ST6GALNAC5: variants seen among roughly 807,000 people sequenced by gnomAD.
ST6GALNAC5 encodes ST6 N-acetylgalactosaminide alpha-2,6-sialyltransferase 5, also known as alpha-N-acetylgalactosaminide alpha-2,6-sialyltransferase 5.
Under a neutral mutation model 33.6 loss-of-function variants are expected in ST6GALNAC5, and 27 were observed. The ratio of observed to expected loss-of-function variants is 0.80; its 90% CI spans 0.59 to 1.11. ST6GALNAC5 has a LOEUF of 1.11. ST6GALNAC5 is among the 50% of genes least tolerant of loss of function. The pLI, the probability that ST6GALNAC5 is intolerant of heterozygous loss-of-function variation, is 0.00. For synonymous variants in ST6GALNAC5, 194 were observed against 171.2 expected, an observed-to-expected ratio of 1.13 and a Z score of -1.04; for missense variants, 428 against 454.0, an observed-to-expected ratio of 0.94 and a Z score of 0.52.
chr1:76,981,597 C>A (rs970147305), intron 2 of ST6GALNAC5, among the ~76,000 whole-genome samples: 2 of 152,134 alleles, frequency 1.3e-5, no homozygotes, highest in African/African-American at 4.8e-5. Flanking sequence ...CTTCTGCAGA[C>A]TTAAATGTCC....
At chr1:76,982,566 G>C (rs1102449) in intron 2 of ST6GALNAC5, among the ~76,000 whole-genome samples, 3,597 of 152,290 alleles carry the variant, frequency 0.024, 147 homozygotes, top group African/African-American at 0.083. Flanking sequence ...ATGGGCGGAT[G>C]AAGCCAAGTT....
At chr1:77,027,106 G>A (rs1651271454) in intron 2 of ST6GALNAC5, among the ~76,000 whole-genome samples, 1 of 152,232 alleles carries the variant, frequency 6.6e-6, no homozygotes, top group Non-Finnish European at 1.5e-5. Flanking sequence ...CAAGCAGCAG[G>A]TGCCAGTGCC....
chr1:76,928,175 CCACCTCTATTGT>C (rs1647103511), intron 2 of ST6GALNAC5, among the ~76,000 whole-genome samples: 1 of 152,116 alleles, frequency 6.6e-6, no homozygotes, highest in Non-Finnish European at 1.5e-5. Flanking sequence ...CATTTTACTA[CCACCTCTATTGT>C]TTCTCTCTCT....
At chr1:76,944,480 C>T (rs182301573) in intron 2 of ST6GALNAC5, among the ~76,000 whole-genome samples, 26 of 151,844 alleles carry the variant, frequency 1.7e-4, no homozygotes, top group Middle Eastern at 3.4e-3. Context: ...TTTTTAATCC[C>T]CCTAATTATT....
chr1:76,969,742 C>T (rs1053733881), intron 2 of ST6GALNAC5, among the ~76,000 whole-genome samples: 8 of 152,158 alleles, frequency 5.3e-5, no homozygotes, highest in Non-Finnish European at 1.0e-4. Context: ...TCCCTGACCC[C>T]CGTGTAGCCT....
chr1:76,908,693 C>A (rs1371105827), intron 2 of ST6GALNAC5, among the ~76,000 whole-genome samples: 1 of 152,114 alleles, frequency 6.6e-6, no homozygotes, highest in African/African-American at 2.4e-5. Context: ...TCACATAGCA[C>A]CTAACACACT....
intron 2 of ST6GALNAC5, among the ~76,000 whole-genome samples, chr1:76,922,855 A>G (rs1404494344): frequency 1.3e-5 from 2 of 151,758 alleles, no homozygotes; most frequent in African/African-American, 2.4e-5. Context: ...AGGATCACTT[A>G]ATCCCAAGAG....
intron 2 of ST6GALNAC5, among the ~76,000 whole-genome samples, chr1:77,003,456 C>A (rs1650258587): frequency 6.7e-6 from 1 of 150,186 alleles, no homozygotes; most frequent in Non-Finnish European, 1.5e-5. Context: ...ATTTGCCAGT[C>A]TGTGTCTTTT....
intron 2 of ST6GALNAC5, among the ~76,000 whole-genome samples, chr1:76,914,168 C>T (rs949716758): frequency 6.6e-6 from 1 of 152,090 alleles, no homozygotes; most frequent in Non-Finnish European, 1.5e-5. Context: ...AACTACAAAC[C>T]ACTGCTCAAT....
intron 2 of ST6GALNAC5, among the ~76,000 whole-genome samples, chr1:76,943,213 A>G (rs758038978): frequency 1.2e-4 from 18 of 152,138 alleles, no homozygotes; most frequent in Non-Finnish European, 2.6e-4. Context: ...CCATTTTACA[A>G]GTGAAGAAAC....
intron 2 of ST6GALNAC5, among the ~76,000 whole-genome samples, chr1:77,040,489 T>C (rs1256100754): frequency 6.6e-6 from 1 of 152,126 alleles, no homozygotes; most frequent in Non-Finnish European, 1.5e-5. Context: ...TGCCCACTAA[T>C]CACAGAGGGT....
chr1:76,975,344 C>T (rs116181810), intron 2 of ST6GALNAC5, among the ~76,000 whole-genome samples: 5,992 of 151,996 alleles, frequency 0.039, 174 homozygotes, highest in Non-Finnish European at 0.057. Flanking sequence ...TATTACTTTC[C>T]CTTACTGAAA....
intron 2 of ST6GALNAC5, among the ~76,000 whole-genome samples, chr1:76,888,946 A>G (rs1653955849): frequency 6.6e-6 from 1 of 152,012 alleles, no homozygotes; most frequent in Admixed American, 6.6e-5. Context: ...TCTGTTAGCA[A>G]TTTTTAAAAT....
At chr1:77,002,224 T>G (rs552786129) in intron 2 of ST6GALNAC5, among the ~76,000 whole-genome samples, 1 of 152,128 alleles carries the variant, frequency 6.6e-6, no homozygotes, top group Non-Finnish European at 1.5e-5. Context: ...CTTGGGAGAG[T>G]GTATGTGTCG....
At chr1:77,024,292 G>A (rs1177187349) in intron 2 of ST6GALNAC5, among the ~76,000 whole-genome samples, 2 of 152,232 alleles carry the variant, frequency 1.3e-5, no homozygotes, top group Admixed American at 1.3e-4. Context: ...GTTGGTGAGG[G>A]CAGCTGGGGC....
At chr1:76,898,426 G>A (rs1453332349) in intron 2 of ST6GALNAC5, among the ~76,000 whole-genome samples, 1 of 152,200 alleles carries the variant, frequency 6.6e-6, no homozygotes, top group African/African-American at 2.4e-5. Context: ...GGTTAATTAA[G>A]TCCTGTTGTG....
At chr1:77,015,023 A>G (rs1371491734) in intron 2 of ST6GALNAC5, among the ~76,000 whole-genome samples, 2 of 150,824 alleles carry the variant, frequency 1.3e-5, no homozygotes, top group African/African-American at 4.9e-5. Context: ...CTCCAGAGAA[A>G]CAGAAACAAT....
intron 2 of ST6GALNAC5, among the ~76,000 whole-genome samples, chr1:76,890,374 C>T (rs1653989003): frequency 6.6e-6 from 1 of 152,062 alleles, no homozygotes. Context: ...TTTACTCATT[C>T]CTTAGGGTCA....
chr1:77,063,125 A>G lies in ST6GALNAC5; in HGVS notation c.930A>G (p.Thr310=). 6 of 1,613,830 alleles carry G rather than the reference A, an allele frequency of 3.7e-6. No homozygotes were observed. Among genetic ancestry groups the G allele is most frequent in the Non-Finnish European group, 5.1e-6 (6 of 1,179,834 alleles). ...GAGTCTTTAAGAACTGGGCACGGAC[A>G]TTCAATATTCACTTTTTTCAACCAG... ...EKRVFKNWAR[T]FNIHFFQPDW... Residue 310 remains threonine, a synonymous_variant, in exon 5 of 5, where the codon ACA becomes ACG. Coordinates refer to ENST00000477717, the MANE Select transcript of ST6GALNAC5 (RefSeq NM_030965.3).
Sources: gnomAD v4.1 joint callset for allele counts (sites outside exome capture counted in the v4.1 genomes callset) on GRCh38, gnomAD v4.1.1 for gene constraint, MANE v1.5 for transcripts, NCBI Gene and HGNC (gene_info 2026-07-23, HGNC 2026-07-21) for gene names.